CMIP: variants seen among roughly 807,000 people sequenced by gnomAD.
CMIP encodes the protein C-Maf-inducing protein.
A neutral mutation model predicts 97.3 loss-of-function variants in CMIP; 13 were observed. The ratio of observed to expected loss-of-function variants is 0.13; its 90% CI spans 0.09 to 0.21. CMIP has a LOEUF of 0.21. Among genes scored for constraint, CMIP ranks in the 10% least tolerant of loss-of-function variants. The probability of loss-of-function intolerance (pLI) is 1.00; values close to 1 mark genes in which losing one functional copy is unlikely to be tolerated. For synonymous variants in CMIP, 538 were observed against 436.3 expected, an observed-to-expected ratio of 1.23 and a Z score of -2.91; for missense variants, 847 against 1,024.9, an observed-to-expected ratio of 0.83 and a Z score of 2.37.
At position 81,445,359 on chromosome 16, in the gene CMIP, T is replaced by C; in HGVS notation, c.118T>C (p.Cys40Arg). The change falls in exon 1 of 21, where the codon TGC (cysteine) becomes CGC (arginine). Residue 40 changes from cysteine (C) to arginine (R), a missense_variant. By Grantham distance (180) the Cys-to-Arg change is radical. Coordinates refer to ENST00000537098, the MANE Select transcript of CMIP (RefSeq NM_198390.3). ...PEGTKMGAVP[C>R]RRALLLCNGM... ...AGGCACGAAGATGGGCGCCGTGCCC[T>C]GCCGCCGGGCTCTTCTGCTTTGCAA... The C allele has an allele frequency of 6.2e-7, 1 of 1,602,592 alleles. No homozygotes were observed. The highest frequency in any genetic ancestry group is 8.5e-7 in the Non-Finnish European group (1 of 1,175,118).
intron 1 of CMIP, among the ~76,000 whole-genome samples, chr16:81,510,919 C>T (rs1171529723): frequency 6.6e-6 from 1 of 152,134 alleles, no homozygotes; most frequent in Non-Finnish European, 1.5e-5. Context: ...GGGGTTTCAC[C>T]ATATTGGTCA....
chr16:81,705,628 G>C (rs543633373), intron 19 of CMIP, 24 bp downstream of exon 19: 3 of 1,486,894 alleles, frequency 2.0e-6, no homozygotes, highest in South Asian at 1.2e-5. Flanking sequence ...GGGCAGCTGG[G>C]GGGTGAGGGG....
chr16:81,510,812 C>G (rs924276256), intron 1 of CMIP, among the ~76,000 whole-genome samples: 2 of 152,272 alleles, frequency 1.3e-5, no homozygotes, highest in South Asian at 4.1e-4. Flanking sequence ...CTCCACCTCC[C>G]AGGTTCAAGC....
rs555282875 is a variant in CMIP, at chr16:81,450,186, T to C, written c.300+4645T>C. On this transcript the variant is annotated intron_variant, in intron 1 of 20. Coordinates refer to ENST00000537098, the MANE Select transcript of CMIP (RefSeq NM_198390.3). ...TACCTCAACTGCTGCCAGCCAGGAC[T>C]GACTCGTCTTGAAGGTACCCAATTG... Among the ~76,000 whole-genome samples, 10 of 152,352 alleles carry C rather than the reference T, an allele frequency of 6.6e-5. No individual in the cohort carries two copies. The South Asian group carries it at 1.9e-3, about 28-fold the overall frequency.
At position 81,707,006 on chromosome 16, in the gene CMIP, T is replaced by A; in HGVS notation, c.2198-8T>A. The A allele has an allele frequency of 6.2e-7, 1 of 1,613,230 alleles. No homozygotes were observed. The highest frequency in any genetic ancestry group is 1.1e-5 in the South Asian group (1 of 91,042). ...CTCTCCTAACAACTGTATCTGTCTC[T>A]TGTGCAGCCATGAAGAGTCTCTGCA... On this transcript the variant is annotated splice_polypyrimidine_tract_variant and splice_region_variant and intron_variant, in intron 19 of 20. Coordinates refer to ENST00000537098, the MANE Select transcript of CMIP (RefSeq NM_198390.3).
At chr16:81,673,563 C>G (rs532008915) in intron 9 of CMIP, among the ~76,000 whole-genome samples, 58 of 152,244 alleles carry the variant, frequency 3.8e-4, no homozygotes, top group African/African-American at 1.3e-3. Context: ...CAGGTGACCA[C>G]TTCAGGCAGC....
chr16:81,493,926 C>A (rs953157955), intron 1 of CMIP, among the ~76,000 whole-genome samples: 1 of 152,252 alleles, frequency 6.6e-6, no homozygotes, highest in Non-Finnish European at 1.5e-5. Flanking sequence ...CTCGCCTGTA[C>A]ACTGGTGCTT....
chr16:81,664,906 C>G (rs1451674828), intron 7 of CMIP: 1 of 161,972 alleles, frequency 6.2e-6, no homozygotes, highest in African/African-American at 2.4e-5. Context: ...CACCCCATTC[C>G]AATCATGAGA....
At chr16:81,606,228 G>A (rs541325095) in intron 1 of CMIP, among the ~76,000 whole-genome samples, 7 of 152,306 alleles carry the variant, frequency 4.6e-5, no homozygotes, top group African/African-American at 1.7e-4. Flanking sequence ...AGATGACCTT[G>A]GGCAAATCAC....
chr16:81,480,754 C>T (rs917136376), intron 1 of CMIP, among the ~76,000 whole-genome samples: 2 of 152,218 alleles, frequency 1.3e-5, no homozygotes, highest in African/African-American at 4.8e-5. Context: ...TTTACCTTTA[C>T]AGCCACCTTG....
chr16:81,493,427 A>C (rs2089436940), intron 1 of CMIP, among the ~76,000 whole-genome samples: 1 of 149,002 alleles, frequency 6.7e-6, no homozygotes, highest in African/African-American at 2.4e-5. Context: ...AATGTCGCCC[A>C]CTTCCTCAAG....
intron 1 of CMIP, among the ~76,000 whole-genome samples, chr16:81,481,150 C>T (rs577723504): frequency 1.3e-5 from 2 of 152,258 alleles, no homozygotes; most frequent in African/African-American, 4.8e-5. Context: ...ATTTATTCAA[C>T]AAATATTGTT....
intron 1 of CMIP, among the ~76,000 whole-genome samples, chr16:81,542,265 C>G (rs530640282): frequency 7.3e-4 from 111 of 152,296 alleles, no homozygotes; most frequent in East Asian, 1.4e-3. Context: ...GGAGCCAAGT[C>G]TTTTACCTGT....
chr16:81,703,219 C>G (rs939468451), intron 17 of CMIP, among the ~76,000 whole-genome samples: 6 of 152,098 alleles, frequency 3.9e-5, no homozygotes, highest in Admixed American at 2.6e-4. Context: ...TTCTACTTGA[C>G]ATGTCTACTT....
intron 1 of CMIP, among the ~76,000 whole-genome samples, chr16:81,598,149 G>C (rs1400474695): frequency 6.6e-6 from 1 of 152,120 alleles, no homozygotes; most frequent in Admixed American, 6.5e-5. Context: ...AGGTGTTTTG[G>C]AAACTGGCAC....
intron 1 of CMIP, among the ~76,000 whole-genome samples, chr16:81,474,948 G>A (rs1907806312): frequency 6.6e-6 from 1 of 152,210 alleles, no homozygotes; most frequent in African/African-American, 2.4e-5. Flanking sequence ...AGGCCTGAGG[G>A]TAACTCATTT....
At chr16:81,631,977 G>A (rs2092167685) in intron 3 of CMIP, 1 of 152,176 alleles carries the variant, frequency 6.6e-6, no homozygotes, top group South Asian at 2.1e-4. Context: ...TACCGAAAAG[G>A]ACAAAGAGAA....
chr16:81,520,188 C>G (rs1427583083), intron 1 of CMIP: 5 of 152,210 alleles, frequency 3.3e-5, no homozygotes, highest in Non-Finnish European at 7.3e-5. Flanking sequence ...AGCCCATTCT[C>G]TGGAGTCCTG....
At chr16:81,592,504 C>G (rs2091481175) in intron 1 of CMIP, among the ~76,000 whole-genome samples, 1 of 152,198 alleles carries the variant, frequency 6.6e-6, no homozygotes, top group Non-Finnish European at 1.5e-5. Context: ...TTGTACCGGA[C>G]CCTCCTCCTT....
Sources: gnomAD v4.1 joint callset for allele counts (sites outside exome capture counted in the v4.1 genomes callset) on GRCh38, gnomAD v4.1.1 for gene constraint, MANE v1.5 for transcripts, NCBI Gene and HGNC (gene_info 2026-07-23, HGNC 2026-07-21) for gene names.